The following ARHGEF38 variants were observed in gnomAD, a reference collection of about 807,000 sequenced individuals.
ARHGEF38 encodes the protein Rho guanine nucleotide exchange factor 38, also known as Rho guanine nucleotide exchange factor (GEF) 38.
A neutral mutation model predicts 79.9 loss-of-function variants in ARHGEF38; 79 were observed. The ratio of observed to expected loss-of-function variants is 0.99; its 90% CI spans 0.82 to 1.19. The LOEUF (loss-of-function observed/expected upper bound fraction) is 1.19, where lower values mean the gene tolerates loss of function less well. ARHGEF38 is among the 50% of genes most tolerant of loss of function. The pLI is 0.00. For missense variants in ARHGEF38, 962 were observed against 907.2 expected, an observed-to-expected ratio of 1.06 and a Z score of -0.78; for synonymous variants, 366 against 328.3, an observed-to-expected ratio of 1.11 and a Z score of -1.24.
At position 105,655,634 on chromosome 4, in the gene ARHGEF38, T is replaced by A. The variant is rs768398798; in HGVS notation, c.1145T>A (p.Met382Lys). Residue 382 changes from methionine (M) to lysine (K), a missense_variant, in exon 9 of 14, where the codon ATG becomes AAG. Transcript: ENST00000420470. ...ATGCCCCTGGCTCTGCAGAGTGTGA[T>A]GGACCTTCAGGAGATTTCATACAAC... ...DAMPLALQSV[M>K]DLQEISYNKD... 3 of 1,535,976 alleles carry A rather than the reference T, an allele frequency of 2.0e-6. No homozygotes were observed. The highest frequency in any genetic ancestry group is 2.4e-5 in the East Asian group (1 of 40,904).
intron 7 of ARHGEF38, 33 bp downstream of exon 7, chr4:105,648,715 C>A: frequency 6.7e-7 from 1 of 1,485,746 alleles, no homozygotes; most frequent in Non-Finnish European, 8.9e-7. Flanking sequence ...CCACCTTTTC[C>A]CAGGGAACAT....
intron 5 of ARHGEF38, among the ~76,000 whole-genome samples, chr4:105,642,636 A>G (rs1400883953): frequency 6.6e-6 from 1 of 152,202 alleles, no homozygotes; most frequent in Non-Finnish European, 1.5e-5. Flanking sequence ...ACTCTATCAA[A>G]ATGAGGAAGA....
intron 1 of ARHGEF38, among the ~76,000 whole-genome samples, chr4:105,556,941 T>C (rs963167574): frequency 3.9e-5 from 6 of 152,208 alleles, no homozygotes; most frequent in Non-Finnish European, 7.3e-5. Flanking sequence ...GCCTGTTTCA[T>C]TCCCAACTCG....
intron 5 of ARHGEF38, among the ~76,000 whole-genome samples, chr4:105,643,251 C>T (rs919026261): frequency 6.6e-6 from 1 of 151,946 alleles, no homozygotes; most frequent in Non-Finnish European, 1.5e-5. Context: ...CCTTCCCTCC[C>T]TCTTTCCGAG....
At chr4:105,608,501 G>T (rs1417396278) in intron 2 of ARHGEF38, among the ~76,000 whole-genome samples, 1 of 151,774 alleles carries the variant, frequency 6.6e-6, no homozygotes, top group Non-Finnish European at 1.5e-5. Context: ...AATATACAAT[G>T]TGCAATGATC....
intron 5 of ARHGEF38, among the ~76,000 whole-genome samples, chr4:105,638,890 T>G (rs1729507830): frequency 6.6e-6 from 1 of 152,136 alleles, no homozygotes; most frequent in African/African-American, 2.4e-5. Flanking sequence ...ATTGATGTCA[T>G]AAGTTTATTT....
At chr4:105,653,324 C>CT (rs778409804) in intron 7 of ARHGEF38, among the ~76,000 whole-genome samples, 3,245 of 136,492 alleles carry the variant, frequency 0.024, 95 homozygotes, top group African/African-American at 0.068. Context: ...TTTCACATTT[C>CT]TTTTTTTTTT....
chr4:105,633,879 CT>C (rs1312025677), intron 4 of ARHGEF38, among the ~76,000 whole-genome samples: 1 of 152,182 alleles, frequency 6.6e-6, no homozygotes, highest in Admixed American at 6.5e-5. Flanking sequence ...TTCACAGTGG[CT>C]GCAGTTCAAG....
intron 2 of ARHGEF38, among the ~76,000 whole-genome samples, chr4:105,600,036 G>C (rs1242430223): frequency 6.6e-6 from 1 of 152,098 alleles, no homozygotes; most frequent in Non-Finnish European, 1.5e-5. Context: ...GATTAACTGA[G>C]CTATATTTCA....
At chr4:105,586,933 GTA>G (rs886985534) in intron 1 of ARHGEF38, among the ~76,000 whole-genome samples, 1 of 115,848 alleles carries the variant, frequency 8.6e-6, no homozygotes, top group African/African-American at 3.4e-5. Flanking sequence ...ATTTCACTAT[GTA>G]TAATACATCA....
In ARHGEF38 at chr4:105,561,469, A is replaced by AATGGAATGGAATGGAATGGAATG. The variant is rs1578253642; in HGVS notation, c.196+8508_196+8509insATGGAATGGAATGGAATGGAATG. 60 of 49,682 alleles carry AATGGAATGGAATGGAATGGAATG rather than the reference A, an allele frequency of 1.2e-3. 4 individuals carry two copies. Among genetic ancestry groups the AATGGAATGGAATGGAATGGAATG allele is most frequent in the Non-Finnish European group, 1.9e-3 (46 of 24,566 alleles). The allele number at this position is 49,682 out of a possible 1,614,324, so 3.1% of individuals were successfully genotyped here. On this transcript the variant is annotated intron_variant, in intron 1 of 13. Coordinates refer to ENST00000420470, the MANE Select transcript of ARHGEF38 (RefSeq NM_001242729.2). ...AGAATGGAATAGAATAGAATAGAATAGAATAGAATAGAATAGAATAGAATA... is the reference window on the plus strand; with the variant it reads ...AGAATGGAATAGAATAGAATAGAATAATGGAATGGAATGGAATGGAATGGAATAGAATAGAATAGAATAGAATA...
chr4:105,675,489 T>C (rs1731088388), intron 13 of ARHGEF38, among the ~76,000 whole-genome samples: 1 of 152,246 alleles, frequency 6.6e-6, no homozygotes, highest in African/African-American at 2.4e-5. Flanking sequence ...GTATGTATCT[T>C]TTATGATACA....
At chr4:105,553,804 A>G (rs1725117848) in intron 1 of ARHGEF38, among the ~76,000 whole-genome samples, 1 of 152,116 alleles carries the variant, frequency 6.6e-6, no homozygotes, top group African/African-American at 2.4e-5. Context: ...GTCCTCCAGA[A>G]CTTGCCTCTC....
In ARHGEF38 at chr4:105,553,828, A is replaced by G. The variant is rs1052676378; in HGVS notation, c.196+867A>G. Among the ~76,000 whole-genome samples the G allele has an allele frequency of 3.9e-5, 6 of 152,250 alleles. No homozygotes were observed. In the South Asian group the frequency reaches 1.2e-3, roughly 32 times the overall value. On this transcript the variant is annotated intron_variant, in intron 1 of 13. Transcript: ENST00000420470. The stretch of plus-strand genomic sequence containing the variant: ...AACTTGCCTCTCCTGCTTTTAGCAC[A>G]AGGTGTGTCTGAACTCTCATCATCC...
At chr4:105,676,722 G>A (rs1731128938) in intron 13 of ARHGEF38, among the ~76,000 whole-genome samples, 1 of 151,812 alleles carries the variant, frequency 6.6e-6, no homozygotes, top group Non-Finnish European at 1.5e-5. Flanking sequence ...ATTATTCTAG[G>A]CCATAAAATA....
chr4:105,600,924 T>C (rs1473339014), intron 2 of ARHGEF38, among the ~76,000 whole-genome samples: 6 of 152,160 alleles, frequency 3.9e-5, no homozygotes, highest in Admixed American at 2.6e-4. Flanking sequence ...AATTAGACCA[T>C]GTCTCATCTC....
chr4:105,643,450 CT>C (rs1342686190), intron 5 of ARHGEF38, among the ~76,000 whole-genome samples: 1 of 152,050 alleles, frequency 6.6e-6, no homozygotes, highest in Admixed American at 6.5e-5. Flanking sequence ...AAAATGTTGC[CT>C]TTGGGTTTGC....
chr4:105,633,509 C>A (rs544928836), intron 4 of ARHGEF38, among the ~76,000 whole-genome samples: 3 of 152,222 alleles, frequency 2.0e-5, no homozygotes, highest in African/African-American at 7.2e-5. Context: ...GATAACACAG[C>A]CCAAGTGCAG....
intron 3 of ARHGEF38, among the ~76,000 whole-genome samples, chr4:105,622,371 C>T (rs1322900590): frequency 6.6e-6 from 1 of 152,142 alleles, no homozygotes; most frequent in Non-Finnish European, 1.5e-5. Flanking sequence ...GAACACTTTC[C>T]CAGCCTCCAG....
Sources: allele counts gnomAD v4.1 joint callset (sites outside exome capture counted in the v4.1 genomes callset), GRCh38; gene constraint gnomAD v4.1.1; transcripts MANE v1.5; gene names NCBI Gene and HGNC (gene_info 2026-07-23, HGNC 2026-07-21).